The following TCF4 variants were observed in gnomAD, a reference collection of about 807,000 sequenced individuals.
TCF4 encodes the protein SL3-3 enhancer factor 2.
TCF4 carries 3 observed loss-of-function variants against 82.1 expected under a neutral mutation model. That is an observed-to-expected ratio of 0.04 (90% CI 0.02 to 0.09). The LOEUF (loss-of-function observed/expected upper bound fraction) is 0.09. TCF4 is among the 10% of genes least tolerant of loss of function. TCF4 has a pLI of 1.00. For synonymous variants in TCF4, 276 were observed against 309.6 expected (o/e 0.89, Z 1.14); for missense variants, 518 against 852.7 (o/e 0.61, Z 4.89).
At chr18:55,282,906 G>T (rs2146345848) in intron 8 of TCF4, among the ~76,000 whole-genome samples, 1 of 151,968 alleles carries the variant, frequency 6.6e-6, no homozygotes, top group East Asian at 1.9e-4. Flanking sequence ...AAGAGTAATT[G>T]AGAAGTGTGA....
intron 3 of TCF4, among the ~76,000 whole-genome samples, chr18:55,488,982 G>A (rs2096547093): frequency 6.6e-6 from 1 of 152,150 alleles, no homozygotes; most frequent in South Asian, 2.1e-4. Context: ...TAGAATCTCT[G>A]TGGCAGTTCA....
chr18:55,399,959 G>C (rs2093726449), intron 6 of TCF4, among the ~76,000 whole-genome samples: 2 of 142,542 alleles, frequency 1.4e-5, no homozygotes, highest in South Asian at 4.5e-4. Flanking sequence ...TTTAGACCTG[G>C]GCTATATCCC....
At chr18:55,538,348 T>C (rs1397022649) in intron 3 of TCF4, among the ~76,000 whole-genome samples, 1 of 152,160 alleles carries the variant, frequency 6.6e-6, no homozygotes, top group Non-Finnish European at 1.5e-5. Flanking sequence ...GACTTTCTCA[T>C]TGATTGGGGA....
chr18:55,488,582 G>A (rs980416599), intron 3 of TCF4, among the ~76,000 whole-genome samples: 1 of 151,204 alleles, frequency 6.6e-6, no homozygotes, highest in South Asian at 2.1e-4. Context: ...TCCTCCCAGA[G>A]ACTACACAGG....
chr18:55,420,823 C>A (rs2094712457), intron 5 of TCF4, among the ~76,000 whole-genome samples: 1 of 150,628 alleles, frequency 6.6e-6, no homozygotes, highest in South Asian at 2.1e-4. Context: ...GTGCCTAAAG[C>A]CACAGATTTT....
At chr18:55,628,976 T>A (rs994282305) in intron 2 of TCF4, among the ~76,000 whole-genome samples, 2 of 152,234 alleles carry the variant, frequency 1.3e-5, no homozygotes, top group African/African-American at 4.8e-5. Flanking sequence ...CAATTGTTGC[T>A]AAATATTTCT....
chr18:55,295,327 A>G (rs1335965960), intron 8 of TCF4, among the ~76,000 whole-genome samples: 1 of 152,060 alleles, frequency 6.6e-6, no homozygotes, highest in African/African-American at 2.4e-5. Flanking sequence ...ATTGATGCTC[A>G]TTTTCCGGTG....
chr18:55,234,300 C>A (rs1191752717), intron 16 of TCF4: 1 of 604,834 alleles, frequency 1.7e-6, no homozygotes, highest in African/African-American at 1.9e-5. Flanking sequence ...TCTCATCAGT[C>A]TGTGGCCTCA....
intron 3 of TCF4, among the ~76,000 whole-genome samples, chr18:55,493,027 T>C (rs2096592203): frequency 6.6e-6 from 1 of 152,146 alleles, no homozygotes; most frequent in African/African-American, 2.4e-5. Flanking sequence ...TCCATTGACA[T>C]AGCTACCAAT....
intron 18 of TCF4, 67 bp from the exon 19 acceptor site, chr18:55,228,428 CT>C: frequency 6.3e-7 from 1 of 1,595,254 alleles, no homozygotes. Context: ...CAGCAATGCA[CT>C]CTTCTTGCGT....
intron 5 of TCF4, among the ~76,000 whole-genome samples, chr18:55,405,766 C>G (rs1448900206): frequency 6.6e-6 from 1 of 151,996 alleles, no homozygotes. Context: ...AAGAAAGAGG[C>G]AGGAGGGAGA....
At chr18:55,293,626 G>A (rs1030648683) in intron 8 of TCF4, among the ~76,000 whole-genome samples, 5 of 152,106 alleles carry the variant, frequency 3.3e-5, no homozygotes, top group Non-Finnish European at 5.9e-5. Flanking sequence ...GTAGTTCATA[G>A]CATTTGCCAC....
intron 6 of TCF4, among the ~76,000 whole-genome samples, chr18:55,380,869 G>A (rs779735264): frequency 6.6e-6 from 1 of 152,122 alleles, no homozygotes; most frequent in Non-Finnish European, 1.5e-5. Context: ...ATTGCTTCAG[G>A]AGCTGGTAGG....
chr18:55,539,052 A>G (rs1373755707), intron 3 of TCF4, among the ~76,000 whole-genome samples: 1 of 152,120 alleles, frequency 6.6e-6, no homozygotes, highest in Non-Finnish European at 1.5e-5. Context: ...TCCATTTAAA[A>G]AAAAAAAGCC....
intron 1 of TCF4, among the ~76,000 whole-genome samples, chr18:55,634,986 A>T (rs2097734879): frequency 6.6e-6 from 1 of 152,232 alleles, no homozygotes; most frequent in African/African-American, 2.4e-5. Context: ...AGATGCCAGC[A>T]TGACATCCAA....
chr18:55,503,280 G>A (rs1030072724), intron 3 of TCF4, among the ~76,000 whole-genome samples: 10 of 152,222 alleles, frequency 6.6e-5, no homozygotes, highest in Admixed American at 2.6e-4. Context: ...CTGAAAATTC[G>A]AAGTTAGAAA....
At chr18:55,557,083 T>C (rs899751063) in intron 3 of TCF4, among the ~76,000 whole-genome samples, 2 of 152,204 alleles carry the variant, frequency 1.3e-5, no homozygotes, top group African/African-American at 4.8e-5. Flanking sequence ...AAAGGACCAT[T>C]GGATCAACTA....
At chr18:55,243,518 G>GATCTTT (rs1490645084) in intron 15 of TCF4, among the ~76,000 whole-genome samples, 2 of 152,134 alleles carry the variant, frequency 1.3e-5, no homozygotes, top group African/African-American at 4.8e-5. Flanking sequence ...CAGAAGAAAG[G>GATCTTT]ATTTAATAAA....
chr18:55,285,384 A>G (rs2063462433), intron 8 of TCF4, among the ~76,000 whole-genome samples: 1 of 152,156 alleles, frequency 6.6e-6, no homozygotes, highest in Non-Finnish European at 1.5e-5. Flanking sequence ...CATAATTCTT[A>G]ATCTGTCATG....
Sources: allele counts gnomAD v4.1 joint callset (sites outside exome capture counted in the v4.1 genomes callset), GRCh38; gene constraint gnomAD v4.1.1; transcripts MANE v1.5; gene names NCBI Gene and HGNC (gene_info 2026-07-23, HGNC 2026-07-21).